The following ARHGAP15 variants were observed in gnomAD, a reference collection of about 807,000 sequenced individuals.
ARHGAP15 encodes the protein rho GTPase-activating protein 15.
Under a neutral mutation model 63.7 loss-of-function variants are expected in ARHGAP15, and 51 were observed. The observed-to-expected ratio is 0.80, with a 90% CI of 0.64 to 1.01. ARHGAP15 has a LOEUF of 1.01. Ranked by LOEUF, ARHGAP15 falls within the 50% of genes least tolerant of loss-of-function variation. ARHGAP15 has a pLI of 0.00. For synonymous variants in ARHGAP15, 191 were observed against 193.8 expected (o/e 0.99, Z 0.12); for missense variants, 560 against 564.6 (o/e 0.99, Z 0.08).
At chr2:143,483,796 T>C (rs990412548) in intron 8 of ARHGAP15, among the ~76,000 whole-genome samples, 6 of 152,250 alleles carry the variant, frequency 3.9e-5, no homozygotes, top group Admixed American at 1.3e-4. Flanking sequence ...TTCAAGGTCT[T>C]GTAAAAGCAA....
chr2:143,712,982 G>C (rs190482033), intron 13 of ARHGAP15, among the ~76,000 whole-genome samples: 39 of 152,264 alleles, frequency 2.6e-4, no homozygotes, highest in Admixed American at 9.2e-4. Flanking sequence ...CCCTAGCACC[G>C]TGTCCTACAT....
chr2:143,373,747 C>T (rs1686681451), intron 6 of ARHGAP15, among the ~76,000 whole-genome samples: 1 of 150,126 alleles, frequency 6.7e-6, no homozygotes, highest in South Asian at 2.1e-4. Context: ...CAGAGAAGCA[C>T]ATCAAATTTG....
intron 12 of ARHGAP15, among the ~76,000 whole-genome samples, chr2:143,661,867 TA>T (rs1681807246): frequency 6.6e-6 from 1 of 152,118 alleles, no homozygotes; most frequent in Admixed American, 6.5e-5. Flanking sequence ...CGGACCGGCT[TA>T]AAAAATGGCG....
chr2:143,542,737 T>A (rs940712002), intron 10 of ARHGAP15, among the ~76,000 whole-genome samples: 1 of 63,356 alleles, frequency 1.6e-5, no homozygotes, highest in Non-Finnish European at 3.8e-5. Flanking sequence ...ACATATATAA[T>A]ATATATATGA....
At chr2:143,664,689 A>T (rs1191870471) in intron 12 of ARHGAP15, among the ~76,000 whole-genome samples, 1 of 152,188 alleles carries the variant, frequency 6.6e-6, no homozygotes, top group Non-Finnish European at 1.5e-5. Context: ...ATAAAGAAAA[A>T]AAGAGAGAAG....
At chr2:143,303,935 A>G (rs184304202) in intron 6 of ARHGAP15, among the ~76,000 whole-genome samples, 48 of 152,292 alleles carry the variant, frequency 3.2e-4, no homozygotes, top group Non-Finnish European at 6.0e-4. Flanking sequence ...AATGGTGATC[A>G]TTAAAAAGTC....
intron 8 of ARHGAP15, among the ~76,000 whole-genome samples, chr2:143,481,830 T>A (rs1015643349): frequency 6.6e-6 from 1 of 152,188 alleles, no homozygotes; most frequent in Non-Finnish European, 1.5e-5. Flanking sequence ...AAGCCCACTA[T>A]CCTAACATCT....
intron 12 of ARHGAP15, among the ~76,000 whole-genome samples, chr2:143,653,495 C>T (rs1559104789): frequency 6.6e-6 from 1 of 152,068 alleles, no homozygotes; most frequent in Admixed American, 6.5e-5. Flanking sequence ...TCCATTTCAT[C>T]TATTTTGCTA....
chr2:143,300,454 T>C (rs1682844765), intron 6 of ARHGAP15, among the ~76,000 whole-genome samples: 1 of 152,028 alleles, frequency 6.6e-6, no homozygotes. Context: ...AGTGTATGAG[T>C]TGGTGTATCC....
rs1038273566 is a variant in ARHGAP15, at chr2:143,528,529, A to G, written c.925+9165A>G. Among the ~76,000 whole-genome samples, 3 of 152,234 alleles carry G rather than the reference A, an allele frequency of 2.0e-5. No individual in the cohort carries two copies. The South Asian group carries it at 6.2e-4, about 32-fold the overall frequency. ...TTTGAAGTTAATGAAGACAGAATAC[A>G]TGATTTTGCTATTGGATATTGATTT... On this transcript the variant is annotated intron_variant, in intron 10 of 13. Transcript: ENST00000295095.
chr2:143,700,148 TG>T (rs1684021151), intron 12 of ARHGAP15, among the ~76,000 whole-genome samples: 1 of 152,152 alleles, frequency 6.6e-6, no homozygotes, highest in African/African-American at 2.4e-5. Context: ...TGAAGTGTTG[TG>T]TAAGTAGAAT....
At chr2:143,439,817 A>G (rs1370784768) in intron 8 of ARHGAP15, among the ~76,000 whole-genome samples, 1 of 152,192 alleles carries the variant, frequency 6.6e-6, no homozygotes, top group African/African-American at 2.4e-5. Flanking sequence ...CTTAGTTTAT[A>G]TCGAACTTAG....
At chr2:143,249,711 G>A (rs1680052318) in intron 5 of ARHGAP15, among the ~76,000 whole-genome samples, 1 of 152,080 alleles carries the variant, frequency 6.6e-6, no homozygotes, top group South Asian at 2.1e-4. Context: ...CTTGAATCAA[G>A]TGAAAATATG....
At chr2:143,205,269 A>AG (rs1692286220) in intron 3 of ARHGAP15, among the ~76,000 whole-genome samples, 1 of 151,554 alleles carries the variant, frequency 6.6e-6, no homozygotes, top group Non-Finnish European at 1.5e-5. Context: ...AAAAAAAAAA[A>AG]AAAGAAACAG....
intron 6 of ARHGAP15, among the ~76,000 whole-genome samples, chr2:143,372,442 G>A (rs564550532): frequency 6.6e-6 from 1 of 150,546 alleles, no homozygotes; most frequent in Admixed American, 6.6e-5. Context: ...ATGTACATGT[G>A]ACTGTGCTTA....
intron 8 of ARHGAP15, among the ~76,000 whole-genome samples, chr2:143,475,187 C>G (rs988173734): frequency 2.6e-5 from 4 of 152,158 alleles, no homozygotes; most frequent in Admixed American, 6.5e-5. Flanking sequence ...GCAATAGAGC[C>G]AAGTATTCAC....
intron 13 of ARHGAP15, among the ~76,000 whole-genome samples, chr2:143,755,561 T>C (rs1311316576): frequency 1.3e-5 from 2 of 152,136 alleles, no homozygotes; most frequent in East Asian, 3.9e-4. Flanking sequence ...AAATATTCTT[T>C]CCCCCCTGCT....
intron 10 of ARHGAP15, among the ~76,000 whole-genome samples, chr2:143,531,555 C>T (rs1044903693): frequency 6.6e-6 from 1 of 152,118 alleles, no homozygotes; most frequent in Non-Finnish European, 1.5e-5. Context: ...AAACTTCAAT[C>T]AAAGAATATT....
At chr2:143,634,613 C>T (rs953481094) in intron 12 of ARHGAP15, among the ~76,000 whole-genome samples, 2 of 152,166 alleles carry the variant, frequency 1.3e-5, no homozygotes, top group South Asian at 4.1e-4. Flanking sequence ...TCTAACTAAT[C>T]TTTCCACTTC....
Sources: allele counts gnomAD v4.1 joint callset (sites outside exome capture counted in the v4.1 genomes callset), GRCh38; gene constraint gnomAD v4.1.1; transcripts MANE v1.5; gene names NCBI Gene and HGNC (gene_info 2026-07-23, HGNC 2026-07-21).